PSMD1: variants seen among roughly 807,000 people sequenced by gnomAD.
PSMD1 encodes proteasome 26S subunit, non-ATPase 1.
Under a neutral mutation model 119.0 loss-of-function variants are expected in PSMD1, and 18 were observed. That is an observed-to-expected ratio of 0.15 (90% CI 0.10 to 0.22). The LOEUF is 0.22. PSMD1 is among the 10% of genes least tolerant of loss of function. The pLI is 1.00. For missense variants in PSMD1, 702 were observed against 1,158.5 expected (o/e 0.61, Z 5.72); for synonymous variants, 374 against 396.6 (o/e 0.94, Z 0.68).
intron 7 of PSMD1, among the ~76,000 whole-genome samples, chr2:231,073,365 G>T (rs989687648): frequency 9.9e-5 from 15 of 152,124 alleles, no homozygotes; most frequent in African/African-American, 3.4e-4. Flanking sequence ...CTTCCTTGAA[G>T]GGCAGTAAAA....
At chr2:231,071,779 C>G (rs1694046302) in intron 6 of PSMD1, among the ~76,000 whole-genome samples, 1 of 152,122 alleles carries the variant, frequency 6.6e-6, no homozygotes, top group Non-Finnish European at 1.5e-5. Context: ...TTTAATGTCT[C>G]TTGTCCTGGC....
intron 6 of PSMD1, 48 bp downstream of exon 6, chr2:231,070,216 T>A: frequency 7.4e-7 from 1 of 1,350,340 alleles, no homozygotes; most frequent in Non-Finnish European, 9.7e-7. Context: ...CGCTGTACTG[T>A]GCTATGCTAT....
chr2:231,074,909 A>G (rs1447404676), intron 7 of PSMD1, among the ~76,000 whole-genome samples: 2 of 152,078 alleles, frequency 1.3e-5, no homozygotes, highest in Admixed American at 6.6e-5. Context: ...GCTCACTGCA[A>G]CCTCAAACTC....
At chr2:231,115,902 G>T (rs1695315546) in intron 16 of PSMD1, among the ~76,000 whole-genome samples, 1 of 152,090 alleles carries the variant, frequency 6.6e-6, no homozygotes, top group African/African-American at 2.4e-5. Context: ...AAGGTTTCCA[G>T]GTGATTCGTA....
At position 231,064,252 on chromosome 2, in the gene PSMD1, A is replaced by G. The variant is rs185182773; in HGVS notation, c.304+1577A>G. ...CAGTGAGATTCATGAGGGGGTATACAAAACAGAATTTGGGTAAGGCTTCCT... is the reference window on the plus strand; with the variant it reads ...CAGTGAGATTCATGAGGGGGTATACGAAACAGAATTTGGGTAAGGCTTCCT... On this transcript the variant is annotated intron_variant, in intron 4 of 24. Coordinates refer to ENST00000308696, the MANE Select transcript of PSMD1 (RefSeq NM_002807.4). 1.6e-4 allele frequency among the ~76,000 whole-genome samples: 25 copies of G among 152,350 alleles called. No homozygotes were observed. The East Asian group carries it at 4.6e-3, about 28-fold the overall frequency.
intron 18 of PSMD1, among the ~76,000 whole-genome samples, chr2:231,148,614 G>A (rs912548752): frequency 7.2e-5 from 11 of 152,190 alleles, no homozygotes; most frequent in African/African-American, 2.7e-4. Flanking sequence ...GTAGATAAAT[G>A]TAAGTGTATA....
rs1695086229 is a variant in PSMD1, at chr2:231,109,571, T to C, written c.1883+22390T>C. ...GTCGAAGCATTCATCAGTGAAGATT[T>C]GACAAACAGAACCTAAGTGAGCAAA... On this transcript the variant is annotated intron_variant, in intron 16 of 24. Transcript: ENST00000308696. Among the ~76,000 whole-genome samples, 5 of 152,214 alleles carry C rather than the reference T, an allele frequency of 3.3e-5. No individual in the cohort carries two copies. The South Asian group carries it at 1.0e-3, about 32-fold the overall frequency.
chr2:231,122,791 A>T (rs1261669742), intron 16 of PSMD1, among the ~76,000 whole-genome samples: 2 of 152,138 alleles, frequency 1.3e-5, no homozygotes, highest in Non-Finnish European at 2.9e-5. Flanking sequence ...CATATATCAT[A>T]AAAAAATTGA....
At chr2:231,137,973 A>G (rs892459981) in intron 16 of PSMD1, among the ~76,000 whole-genome samples, 2 of 152,200 alleles carry the variant, frequency 1.3e-5, no homozygotes, top group East Asian at 3.8e-4. Context: ...TCACAACTGC[A>G]TACACCTGTG....
At chr2:231,121,701 A>G (rs532538181) in intron 16 of PSMD1, among the ~76,000 whole-genome samples, 78 of 152,256 alleles carry the variant, frequency 5.1e-4, no homozygotes, top group African/African-American at 1.8e-3. Context: ...TTCCTTAACT[A>G]TTTAGCTGAT....
chr2:231,133,260 G>C (rs942778540), intron 16 of PSMD1, among the ~76,000 whole-genome samples: 5 of 152,002 alleles, frequency 3.3e-5, no homozygotes, highest in African/African-American at 1.2e-4. Context: ...AATTTTTGTA[G>C]TTTTTGTAGA....
At chr2:231,154,593 A>G (rs1316399166) in intron 19 of PSMD1, among the ~76,000 whole-genome samples, 1 of 152,132 alleles carries the variant, frequency 6.6e-6, no homozygotes, top group Non-Finnish European at 1.5e-5. Flanking sequence ...TCAGCCTCCC[A>G]AGTAGCTGAG....
Position 231,170,772 on chromosome 2 carries a change from A to G in PSMD1, c.*9+51A>G. ...GGAAACTTCTTTGTCAATACTTCACAAATGTTTTTTGCAAGGACATCATCT... is the reference window on the plus strand; with the variant it reads ...GGAAACTTCTTTGTCAATACTTCACGAATGTTTTTTGCAAGGACATCATCT... On this transcript the variant is annotated intron_variant, in intron 24 of 24. Transcript: ENST00000308696. This position sits in a 1 kb window ranked among gnomAD's most constrained non-coding sequence, Gnocchi z 4.1. 6.7e-7 allele frequency: 1 copy of G among 1,491,790 alleles called. No homozygotes were observed. Among genetic ancestry groups the G allele is most frequent in the Non-Finnish European group, 9.0e-7 (1 of 1,114,004 alleles). 92.4% of individuals were successfully genotyped at this position (1,491,790 alleles called of 1,614,324 possible). A position where few individuals can be genotyped will look rare whatever the true frequency, so the allele number is the denominator to read the frequency against.
At chr2:231,167,096 A>G (rs1240238128) in intron 23 of PSMD1, among the ~76,000 whole-genome samples, 1 of 152,218 alleles carries the variant, frequency 6.6e-6, no homozygotes, top group African/African-American at 2.4e-5. Flanking sequence ...CACCTAAAAC[A>G]ATGGTAAATG....
At chr2:231,111,455 G>A (rs1006474570) in intron 16 of PSMD1, among the ~76,000 whole-genome samples, 2 of 152,084 alleles carry the variant, frequency 1.3e-5, no homozygotes, top group Non-Finnish European at 2.9e-5. Context: ...TATCCAGCTT[G>A]TTGGTCAATA....
rs546691064 is a variant in PSMD1, at chr2:231,068,201, A to G, written c.510+1090A>G. On this transcript the variant is annotated intron_variant, in intron 5 of 24. Transcript: ENST00000308696. ...CCACTAGATCATAAGCTATATCGGG[A>G]CAGGTATTTGTGCCTTTTTCACCAC... Among the ~76,000 whole-genome samples, 33 of 152,288 alleles carry G rather than the reference A, an allele frequency of 2.2e-4. 1 individual carries two copies. The South Asian group carries it at 6.8e-3, about 32-fold the overall frequency.
intron 16 of PSMD1, chr2:231,133,351 GT>G (rs1460908800): frequency 3.0e-4 from 45 of 152,248 alleles, no homozygotes; most frequent in African/African-American, 9.9e-4. Flanking sequence ...CTTAATTGCT[GT>G]GTATTGAGTT....
chr2:231,108,849 A>G (rs373914468), intron 16 of PSMD1: 23 of 1,613,996 alleles, frequency 1.4e-5, no homozygotes, highest in African/African-American at 2.7e-5. Context: ...ACTCCTGAGG[A>G]AACATAGCCT....
chr2:231,158,132 G>A (rs1696555296), intron 19 of PSMD1, among the ~76,000 whole-genome samples: 1 of 151,792 alleles, frequency 6.6e-6, no homozygotes, highest in Non-Finnish European at 1.5e-5. Flanking sequence ...TCAGCATGGT[G>A]AGACCCTGTC....
Sources: allele counts gnomAD v4.1 joint callset (sites outside exome capture counted in the v4.1 genomes callset), GRCh38; gene constraint gnomAD v4.1.1; non-coding constraint Gnocchi (gnomAD v3.1); transcripts MANE v1.5; gene names NCBI Gene and HGNC (gene_info 2026-07-23, HGNC 2026-07-21).